ANKRD46: variants seen among roughly 807,000 people sequenced by gnomAD.
ANKRD46 encodes ankyrin repeat domain 46.
ANKRD46 carries 13 observed loss-of-function variants against 19.8 expected under a neutral mutation model. The ratio of observed to expected loss-of-function variants is 0.66; its 90% CI spans 0.43 to 1.04. The LOEUF is 1.04. ANKRD46 is among the 50% of genes least tolerant of loss of function. The pLI is 0.00. For missense variants in ANKRD46, 185 were observed against 274.8 expected (o/e 0.67, Z 2.31); for synonymous variants, 91 against 106.9 (o/e 0.85, Z 0.92).
At chr8:100,517,942 G>A (rs1193287239), downstream of ANKRD46, among the ~76,000 whole-genome samples, 1 of 152,204 alleles carries the variant, frequency 6.6e-6, no homozygotes, top group Non-Finnish European at 1.5e-5. Context: ...TGTAATCCCA[G>A]CACTTTGGGA....
chr8:100,533,706 T>C (rs913943741), intron 1 of ANKRD46, among the ~76,000 whole-genome samples: 10 of 152,206 alleles, frequency 6.6e-5, no homozygotes, highest in Non-Finnish European at 1.5e-4. Flanking sequence ...TTTTTATAAA[T>C]AAAATACTAT....
intron 1 of ANKRD46, among the ~76,000 whole-genome samples, chr8:100,547,566 G>A (rs1335137221): frequency 6.6e-6 from 1 of 152,142 alleles, no homozygotes; most frequent in Non-Finnish European, 1.5e-5. Flanking sequence ...AGGCTGCAGT[G>A]AGCTGTGATC....
At chr8:100,528,517 CTTTTT>C (rs775087189) in intron 3 of ANKRD46, among the ~76,000 whole-genome samples, 1 of 126,406 alleles carries the variant, frequency 7.9e-6, no homozygotes. Flanking sequence ...CCTTGTTTTT[CTTTTT>C]TTTTTTTTTT....
intron 2 of ANKRD46, among the ~76,000 whole-genome samples, chr8:100,531,058 T>C (rs1291349032): frequency 1.3e-5 from 2 of 152,178 alleles, no homozygotes; most frequent in Non-Finnish European, 2.9e-5. Context: ...GCACCTGAAC[T>C]CTCAGGACAT....
downstream of ANKRD46, among the ~76,000 whole-genome samples, chr8:100,517,329 T>C (rs953944091): frequency 8.5e-5 from 13 of 152,226 alleles, no homozygotes; most frequent in African/African-American, 3.1e-4. Context: ...GAATTTCTAA[T>C]GTAATTTAAA....
chr8:100,527,772 G>C lies in ANKRD46; in HGVS notation c.470+73C>G. ...CCCAGCTAGTCAGGAGGCTGAGGCA[G>C]GAAGAATGCTTGAGCCCAGGAGTTC... On this transcript the variant is annotated intron_variant, in intron 4 of 4. Coordinates refer to ENST00000335659, the MANE Select transcript of ANKRD46 (RefSeq NM_001270377.2). This position sits in a 1 kb window ranked among gnomAD's most constrained non-coding sequence, Gnocchi z 4.0. The C allele has an allele frequency of 2.0e-6, 3 of 1,481,430 alleles. No individual in the cohort carries two copies. The highest frequency in any genetic ancestry group is 2.7e-6 in the Non-Finnish European group (3 of 1,105,938). 91.8% of individuals were successfully genotyped at this position (1,481,430 alleles called of 1,614,324 possible).
chr8:100,521,452 T>C lies in ANKRD46; in HGVS notation c.*1103A>G. 1 of 985,474 alleles carries C rather than the reference T, an allele frequency of 1.0e-6. No individual in the cohort carries two copies. The highest frequency in any genetic ancestry group is 4.7e-5 in the South Asian group (1 of 21,288). The allele number at this position is 985,474 out of a possible 1,614,324, so 61.0% of individuals were successfully genotyped here. A position where few individuals can be genotyped will look rare whatever the true frequency, so the allele number is the denominator to read the frequency against. On this transcript the variant is annotated 3_prime_UTR_variant, in exon 5 of 5. Coordinates refer to ENST00000335659, the MANE Select transcript of ANKRD46 (RefSeq NM_001270377.2). ...GGCCTTCAAACATACTGCTGAAAGC[T>C]GCAATATAGTTTGAGGGCCAGATTT... is the stretch of plus-strand genomic sequence containing the variant.
rs1337149036 is a variant in ANKRD46 at position 100,532,402 on chromosome 8, G to A, written c.-28+807C>T. ...GAGGATCACTTGAGCCCGGGAGGTC[G>A]AGGTTGCGATGAGCTGTGATTGAGC... On this transcript the variant is annotated intron_variant, in intron 2 of 4. Transcript: ENST00000335659. The surrounding 1 kb of genome is among the most constrained non-coding windows in gnomAD (Gnocchi z 4.7). 1.3e-5 allele frequency: 2 copies of A among 152,160 alleles called. No homozygotes were observed. Among genetic ancestry groups the A allele is most frequent in the African/African-American group, 2.4e-5 (1 of 41,426 alleles). 9.4% of individuals were successfully genotyped at this position (152,160 alleles called of 1,614,324 possible).
At position 100,525,344 on chromosome 8, in the gene ANKRD46, T is replaced by C. The variant is rs1315453085; in HGVS notation, c.470+2501A>G. On this transcript the variant is annotated intron_variant, in intron 4 of 4. Transcript: ENST00000335659. This position sits in a 1 kb window ranked among gnomAD's most constrained non-coding sequence, Gnocchi z 4.4. ...ATTCCCCAAATTGTACAACCATCTC[T>C]TCTAATTCCAGTACACTTTCAGCAC... Among the ~76,000 whole-genome samples, 1 of 152,212 alleles carries C rather than the reference T, an allele frequency of 6.6e-6. No homozygotes were observed. The highest frequency in any genetic ancestry group is 1.9e-4 in the East Asian group (1 of 5,202).
chr8:100,522,465 C>T lies in ANKRD46; in HGVS notation c.*90G>A, dbSNP rs1411768353. ...AAAAGAACATGTACTGCCCTCACTG[C>T]TTTGCGCTAAGAAAAATTCTGAGAA... is the stretch of plus-strand genomic sequence containing the variant. On this transcript the variant is annotated 3_prime_UTR_variant, in exon 5 of 5. Coordinates refer to ENST00000335659, the MANE Select transcript of ANKRD46 (RefSeq NM_001270377.2). 1.3e-6 allele frequency: 2 copies of T among 1,545,002 alleles called. No individual in the cohort carries two copies. Among genetic ancestry groups the T allele is most frequent in the East Asian group, 4.8e-5 (2 of 41,900 alleles).
rs1346208949 is a variant in ANKRD46 at position 100,511,083 on chromosome 8, C to A, written c.637-444G>T. 1.3e-5 allele frequency among the ~76,000 whole-genome samples: 2 copies of A among 152,194 alleles called. No individual in the cohort carries two copies. The highest frequency in any genetic ancestry group is 2.9e-5 in the Non-Finnish European group (2 of 68,036). On this transcript the variant is annotated intron_variant, in intron 5 of 5. Coordinates refer to the ANKRD46 transcript ENST00000520552. This position sits in a 1 kb window ranked among gnomAD's most constrained non-coding sequence, Gnocchi z 4.1. ...TAAAGAGGAAGTAATCATATAATTA[C>A]GCTGATTATTGAGAGCTGCTGTGCA... is the stretch of plus-strand genomic sequence containing the variant.
rs1812241483 is a variant in ANKRD46, at chr8:100,544,866, C to A, written c.-130-11555G>T. 6.6e-6 allele frequency among the ~76,000 whole-genome samples: 1 copy of A among 152,064 alleles called. No individual in the cohort carries two copies. The highest frequency in any genetic ancestry group is 1.9e-4 in the East Asian group (1 of 5,194). On this transcript the variant is annotated intron_variant, in intron 1 of 4. Coordinates refer to ENST00000335659, the MANE Select transcript of ANKRD46 (RefSeq NM_001270377.2). The surrounding 1 kb of genome is among the most constrained non-coding windows in gnomAD (Gnocchi z 4.4). Reference sequence around the variant, plus strand: ...CTGCCTTGAATGGGGTCAGAGGCAACAATGGGAGCAACTCATAGAGTCTGG... The same window carrying A: ...CTGCCTTGAATGGGGTCAGAGGCAAAAATGGGAGCAACTCATAGAGTCTGG...
chr8:100,539,413 T>C (rs1376025976), intron 1 of ANKRD46, among the ~76,000 whole-genome samples: 1 of 152,262 alleles, frequency 6.6e-6, no homozygotes, highest in Non-Finnish European at 1.5e-5. Context: ...GATATCCCAG[T>C]ACTATGAAGA....
At chr8:100,547,158 T>A (rs1381663012) in intron 1 of ANKRD46, among the ~76,000 whole-genome samples, 1 of 152,134 alleles carries the variant, frequency 6.6e-6, no homozygotes, top group Non-Finnish European at 1.5e-5. Context: ...GAAAAGGACA[T>A]GAGATTTGGG....
At position 100,521,689 on chromosome 8, in the gene ANKRD46, T is replaced by C. The variant is rs995789732; in HGVS notation, c.*866A>G. The C allele has an allele frequency of 2.0e-6, 2 of 985,320 alleles. No individual in the cohort carries two copies. Among genetic ancestry groups the C allele is most frequent in the Non-Finnish European group, 2.4e-6 (2 of 829,940 alleles). 61.0% of individuals were successfully genotyped at this position (985,320 alleles called of 1,614,324 possible). A position where few individuals can be genotyped will look rare whatever the true frequency, so the allele number is the denominator to read the frequency against. On this transcript the variant is annotated 3_prime_UTR_variant, in exon 5 of 5. Coordinates refer to ENST00000335659, the MANE Select transcript of ANKRD46 (RefSeq NM_001270377.2). ...AAACTGTGACAACACAGCTAGCTTA[T>C]AGAACTGAGTTTTTCACTATAATAG...
At position 100,530,840 on chromosome 8, in the gene ANKRD46, C is replaced by T. The variant is rs78460392; in HGVS notation, c.-27-980G>A. ...ATATGTGACTGTGCCAAATTCCCAC[C>T]GTCCAAAGACTGAGAGATGAGGGGA... On this transcript the variant is annotated intron_variant, in intron 2 of 4. Transcript: ENST00000335659. Among the ~76,000 whole-genome samples, 29 of 152,232 alleles carry T rather than the reference C, an allele frequency of 1.9e-4. No individual in the cohort carries two copies. In the East Asian group the frequency reaches 5.2e-3, roughly 27 times the overall value.
chr8:100,532,819 C>G lies in ANKRD46; in HGVS notation c.-28+390G>C, dbSNP rs1037931515. ...TGAATCATAAAAATGGAAAAGCTAT[C>G]ATAAACCTTTTTCAAAATGAAATGC... On this transcript the variant is annotated intron_variant, in intron 2 of 4. Transcript: ENST00000335659. This position sits in a 1 kb window ranked among gnomAD's most constrained non-coding sequence, Gnocchi z 4.7. Among the ~76,000 whole-genome samples the G allele has an allele frequency of 6.6e-6, 1 of 152,180 alleles. No homozygotes were observed. The highest frequency in any genetic ancestry group is 2.1e-4 in the South Asian group (1 of 4,830).
intron 5 of ANKRD46, among the ~76,000 whole-genome samples, chr8:100,512,694 C>G (rs1739465318): frequency 6.6e-6 from 1 of 152,144 alleles, no homozygotes; most frequent in Admixed American, 6.5e-5. Context: ...CTCACTGACT[C>G]TTAGTTCTGA....
In ANKRD46 at chr8:100,522,004, G is replaced by A. The variant is rs755722981; in HGVS notation, c.*551C>T. 28 of 984,774 alleles carry A rather than the reference G, an allele frequency of 2.8e-5. No homozygotes were observed. Among genetic ancestry groups the A allele is most frequent in the Non-Finnish European group, 3.3e-5 (27 of 829,454 alleles). The allele number at this position is 984,774 out of a possible 1,614,324, so 61.0% of individuals were successfully genotyped here. On this transcript the variant is annotated 3_prime_UTR_variant, in exon 5 of 5. Transcript: ENST00000335659. ...TTTTCAAAAGTTTTGTTTGGTTTGT[G>A]ACTAGACTTAAAAATACTAAAATAA... is the stretch of plus-strand genomic sequence containing the variant.
Sources: allele counts gnomAD v4.1 joint callset (sites outside exome capture counted in the v4.1 genomes callset), GRCh38; gene constraint gnomAD v4.1.1; non-coding constraint Gnocchi (gnomAD v3.1); transcripts MANE v1.5; gene names NCBI Gene and HGNC (gene_info 2026-07-23, HGNC 2026-07-21).